Variants in TRAK1 observed in about 807,000 individuals in gnomAD.
TRAK1 encodes trafficking kinesin protein 1, also known as trafficking kinesin-binding protein 1.
TRAK1 carries 33 observed loss-of-function variants against 92.1 expected under a neutral mutation model. The observed-to-expected ratio is 0.36, with a 90% CI of 0.27 to 0.48. The LOEUF is 0.48. Ranked by LOEUF, TRAK1 falls within the 20% of genes least tolerant of loss-of-function variation. The probability of loss-of-function intolerance (pLI) is 0.99; values close to 1 mark genes in which losing one functional copy is unlikely to be tolerated. For missense variants in TRAK1, 1,123 were observed against 1,257.9 expected, an observed-to-expected ratio of 0.89 and a Z score of 1.62; for synonymous variants, 521 against 517.3, an observed-to-expected ratio of 1.01 and a Z score of -0.10.
chr3:42,107,527 A>T (rs1022765911), intron 1 of TRAK1, among the ~76,000 whole-genome samples: 2 of 152,024 alleles, frequency 1.3e-5, no homozygotes, highest in African/African-American at 4.8e-5. Flanking sequence ...GAAAAAAAAA[A>T]AAAAGAAATT....
At chr3:42,163,333 G>T (rs2149311441) in intron 2 of TRAK1, among the ~76,000 whole-genome samples, 1 of 152,272 alleles carries the variant, frequency 6.6e-6, no homozygotes, top group East Asian at 1.9e-4. Context: ...CACTTTGGGA[G>T]GCTGAGGCGG....
At chr3:42,073,990 G>A (rs1704043065) in intron 1 of TRAK1, among the ~76,000 whole-genome samples, 1 of 152,128 alleles carries the variant, frequency 6.6e-6, no homozygotes, top group Non-Finnish European at 1.5e-5. Context: ...GAGTTCCTTT[G>A]CCCCTGTTAC....
At chr3:42,143,651 C>T (rs1383721708) in intron 2 of TRAK1, among the ~76,000 whole-genome samples, 3 of 152,182 alleles carry the variant, frequency 2.0e-5, no homozygotes, top group African/African-American at 7.2e-5. Flanking sequence ...CCCGAGACGG[C>T]TCCTGGGACC....
rs115650099 is a variant in TRAK1 at position 42,203,454 on chromosome 3, A to G, written c.1744+702A>G. 1,190 of 982,902 alleles carry G rather than the reference A, an allele frequency of 1.2e-3. 17 individuals carry two copies. In the African/African-American group the frequency reaches 0.02, roughly 17 times the overall value. 60.9% of individuals were successfully genotyped at this position (982,902 alleles called of 1,614,324 possible). ...TCTCAGATGATTAAACTCATGGGAA[A>G]AACTTCCTCCTTCCCTCTCTCCCTC... On this transcript the variant is annotated intron_variant, in intron 13 of 15. Transcript: ENST00000327628.
intron 1 of TRAK1, among the ~76,000 whole-genome samples, chr3:42,050,121 C>T (rs894393725): frequency 2.0e-5 from 3 of 151,094 alleles, no homozygotes; most frequent in African/African-American, 7.3e-5. Context: ...CAGAGGGGAG[C>T]CCTCCAGTCC....
chr3:42,054,903 G>GGTTT (rs1703134580), intron 1 of TRAK1, among the ~76,000 whole-genome samples: 1 of 54,152 alleles, frequency 1.8e-5, no homozygotes, highest in Non-Finnish European at 3.7e-5. Context: ...CAGCAAACTA[G>GGTTT]ATTTTTTTTT....
chr3:42,017,872 G>A (rs1048248034), intron 1 of TRAK1, among the ~76,000 whole-genome samples: 2 of 152,220 alleles, frequency 1.3e-5, no homozygotes, highest in African/African-American at 4.8e-5. Context: ...TTACAGTGCT[G>A]TTCCTTGCAG....
chr3:42,162,208 A>G (rs1265629292), intron 2 of TRAK1, among the ~76,000 whole-genome samples: 2 of 152,304 alleles, frequency 1.3e-5, no homozygotes, highest in East Asian at 3.9e-4. Context: ...AGTATCATAT[A>G]TCCTAGTCAA....
intron 2 of TRAK1, among the ~76,000 whole-genome samples, chr3:42,166,732 G>A (rs1036778945): frequency 1.3e-5 from 2 of 152,250 alleles, no homozygotes; most frequent in South Asian, 2.1e-4. Flanking sequence ...AAGTGAGCCA[G>A]TAGAATAGTC....
At chr3:42,219,370 C>T (rs1365972932) in intron 14 of TRAK1, 124 bp from the exon 15 acceptor site, 46 of 1,574,256 alleles carry the variant, frequency 2.9e-5, no homozygotes, top group South Asian at 5.8e-5. Context: ...TCACCTTCCT[C>T]GCCCAGATCC....
intron 2 of TRAK1, among the ~76,000 whole-genome samples, chr3:42,128,851 G>GT (rs11443835): frequency 0.51 from 78,093 of 151,778 alleles, 20,352 homozygotes; most frequent in African/African-American, 0.58. Context: ...GGGTAGAGCT[G>GT]TTTTGTTATA....
intron 14 of TRAK1, chr3:42,218,510 T>A (rs1346768952): frequency 2.4e-6 from 2 of 849,868 alleles, no homozygotes; most frequent in Non-Finnish European, 2.8e-6. Context: ...GGGCAGCATC[T>A]TTTTTTTTTA....
chr3:42,168,288 A>G (rs1314836956), intron 2 of TRAK1, among the ~76,000 whole-genome samples: 1 of 152,244 alleles, frequency 6.6e-6, no homozygotes. Flanking sequence ...TGTGGACCCA[A>G]GGAAGTCCAA....
At chr3:42,107,023 T>C (rs551483796) in intron 1 of TRAK1, among the ~76,000 whole-genome samples, 1 of 152,338 alleles carries the variant, frequency 6.6e-6, no homozygotes, top group South Asian at 2.1e-4. Context: ...TTCCAGAATT[T>C]ACCCCTTGAT....
intron 1 of TRAK1, among the ~76,000 whole-genome samples, chr3:42,092,523 G>T (rs1397713287): frequency 6.6e-6 from 1 of 152,152 alleles, no homozygotes; most frequent in East Asian, 1.9e-4. Context: ...TCAGAGAGAG[G>T]ACTGGTCCTG....
At chr3:42,032,496 A>AAAAC (rs1559711127) in intron 1 of TRAK1, among the ~76,000 whole-genome samples, 1 of 149,964 alleles carries the variant, frequency 6.7e-6, no homozygotes, top group African/African-American at 2.5e-5. Flanking sequence ...AAAAAAAAAA[A>AAAAC]CCATCTTTGC....
chr3:42,156,199 T>A (rs1009997543), intron 2 of TRAK1, among the ~76,000 whole-genome samples: 13 of 152,252 alleles, frequency 8.5e-5, no homozygotes, highest in Non-Finnish European at 1.9e-4. Context: ...GGGTTGTGTT[T>A]TGCTTTGACT....
At chr3:42,087,796 A>G (rs778835681), upstream of TRAK1, among the ~76,000 whole-genome samples, 1 of 152,158 alleles carries the variant, frequency 6.6e-6, no homozygotes, top group Non-Finnish European at 1.5e-5. Flanking sequence ...AATAACATGC[A>G]CTGTCATTGT....
At chr3:42,058,343 T>A (rs764232960) in intron 1 of TRAK1, among the ~76,000 whole-genome samples, 62 of 151,946 alleles carry the variant, frequency 4.1e-4, no homozygotes, top group African/African-American at 9.4e-4. Flanking sequence ...TAATTTAATT[T>A]ATTTATTTTT....
Sources: gnomAD v4.1 joint callset for allele counts (sites outside exome capture counted in the v4.1 genomes callset) on GRCh38, gnomAD v4.1.1 for gene constraint, MANE v1.5 for transcripts, NCBI Gene and HGNC (gene_info 2026-07-23, HGNC 2026-07-21) for gene names.